PLAC1: variants seen among roughly 807,000 people sequenced by gnomAD.
PLAC1 encodes placenta associated 1, also known as placenta-specific protein 1.
For synonymous variants in PLAC1, 68 were observed against 62.1 expected, an observed-to-expected ratio of 1.09 and a Z score of -0.44; for missense variants, 136 against 163.2, an observed-to-expected ratio of 0.83 and a Z score of 0.91.
intron 2 of PLAC1, among the ~76,000 whole-genome samples, chrX:134,591,497 A>T (rs2078039066): frequency 8.9e-6 from 1 of 112,481 alleles, no homozygotes; most frequent in Admixed American, 9.4e-5. Flanking sequence ...CATCCAAGTT[A>T]TTGTCCATTC....
chrX:134,567,602 CA>C (rs755032160), intron 2 of PLAC1, among the ~76,000 whole-genome samples: 54 of 109,265 alleles, frequency 4.9e-4, no homozygotes, highest in African/African-American at 1.8e-3. Flanking sequence ...TAAAACAATA[CA>C]AAAAACTAGC....
chrX:134,575,033 G>A (rs1049283879), intron 2 of PLAC1, among the ~76,000 whole-genome samples: 7 of 111,399 alleles, frequency 6.3e-5, no homozygotes, highest in East Asian at 2.8e-4. Context: ...AAATGCTAGA[G>A]GTTCTTGGGA....
At chrX:134,745,964 A>G (rs1041791641) in intron 1 of PLAC1, among the ~76,000 whole-genome samples, 23 of 111,684 alleles carry the variant, frequency 2.1e-4, no homozygotes, top group Non-Finnish European at 2.8e-4. Flanking sequence ...GTTAGAAAAC[A>G]CCAGCGTTAG....
chrX:134,677,745 C>CG (rs1351611991), intron 2 of PLAC1, among the ~76,000 whole-genome samples: 2 of 111,229 alleles, frequency 1.8e-5, no homozygotes, highest in African/African-American at 3.3e-5. Context: ...GTTTTAAGCC[C>CG]GGGGGGTGAC....
intron 2 of PLAC1, among the ~76,000 whole-genome samples, chrX:134,572,563 A>C (rs1211098405): frequency 8.9e-6 from 1 of 111,876 alleles, no homozygotes; most frequent in Non-Finnish European, 1.9e-5. Flanking sequence ...CCATTTTCTC[A>C]GCAGAGAAAA....
At chrX:134,668,694 C>A (rs1016092491) in intron 2 of PLAC1, among the ~76,000 whole-genome samples, 2 of 112,950 alleles carry the variant, frequency 1.8e-5, no homozygotes, top group African/African-American at 6.4e-5. Context: ...GAATTCCACA[C>A]AGGTGAAGCT....
Position 134,566,399 on chromosome X carries a change from C to T in PLAC1, c.284G>A (p.Ser95Asn), listed in dbSNP as rs2077875180. The change falls in exon 3 of 3, where the codon AGC becomes AAC. Residue 95 changes from serine (S) to asparagine (N), a missense_variant. Ser to Asn is a conservative substitution (Grantham distance 46). Coordinates refer to ENST00000359237, the MANE Select transcript of PLAC1 (RefSeq NM_021796.4). ...KAVSQDMVIY[S>N]TEIHYSSKGT... Reference sequence around the variant, plus strand: ...CTTAGAAGAGTAGTGTATCTCAGTGCTGTAGATAACCATGTCCTGAGAGAC... The same window carrying T: ...CTTAGAAGAGTAGTGTATCTCAGTGTTGTAGATAACCATGTCCTGAGAGAC... 1 of 1,209,625 alleles carries T rather than the reference C, an allele frequency of 8.3e-7. No homozygotes were observed. Among genetic ancestry groups the T allele is most frequent in the Non-Finnish European group, 1.1e-6 (1 of 894,754 alleles).
intron 2 of PLAC1, among the ~76,000 whole-genome samples, chrX:134,598,645 C>T (rs1346408262): frequency 9.7e-6 from 1 of 102,734 alleles, no homozygotes; most frequent in Non-Finnish European, 2.0e-5. Flanking sequence ...CTGAAGTGGT[C>T]GAGAAGGGTT....
At chrX:134,673,833 A>C (rs2078464265) in intron 2 of PLAC1, among the ~76,000 whole-genome samples, 1 of 112,749 alleles carries the variant, frequency 8.9e-6, no homozygotes, top group South Asian at 3.7e-4. Context: ...TGACCTAGGT[A>C]CTGCCAGCCA....
At chrX:134,707,716 T>C (rs1239496184) in intron 2 of PLAC1, among the ~76,000 whole-genome samples, 3 of 112,363 alleles carry the variant, frequency 2.7e-5, no homozygotes, top group African/African-American at 9.7e-5. Flanking sequence ...ACAAAAAATA[T>C]GGATAAATAC....
At chrX:134,732,280 T>C (rs2078691071) in intron 2 of PLAC1, among the ~76,000 whole-genome samples, 1 of 111,537 alleles carries the variant, frequency 9.0e-6, no homozygotes, top group African/African-American at 3.3e-5. Context: ...AGCTAATGGG[T>C]GCAGAGGAGG....
chrX:134,577,366 G>C (rs1199359525), intron 2 of PLAC1, among the ~76,000 whole-genome samples: 1 of 111,833 alleles, frequency 8.9e-6, no homozygotes, highest in Admixed American at 9.5e-5. Flanking sequence ...ACTGGAGAGG[G>C]AGATCCTGTC....
chrX:134,635,062 G>A (rs1721903787), intron 1 of PLAC1, among the ~76,000 whole-genome samples: 2 of 111,920 alleles, frequency 1.8e-5, no homozygotes, highest in Admixed American at 1.9e-4. Context: ...TCTAGGGTTG[G>A]TGGCTTGGAG....
chrX:134,726,376 A>G (rs1348218208), intron 2 of PLAC1, among the ~76,000 whole-genome samples: 2 of 111,369 alleles, frequency 1.8e-5, no homozygotes, highest in African/African-American at 6.5e-5. Flanking sequence ...TTCTGCTCTC[A>G]CACTACTGTA....
intron 2 of PLAC1, among the ~76,000 whole-genome samples, chrX:134,686,936 G>T (rs1205703928): frequency 1.8e-5 from 2 of 111,709 alleles, no homozygotes; most frequent in Non-Finnish European, 3.8e-5. Flanking sequence ...AAGAAGAGAT[G>T]ATAGTCTACT....
chrX:134,732,492 G>T (rs1182772723), intron 2 of PLAC1, among the ~76,000 whole-genome samples: 2 of 111,522 alleles, frequency 1.8e-5, no homozygotes, highest in African/African-American at 3.3e-5. Flanking sequence ...CCAACAGTTT[G>T]TTCCCTGGGT....
chrX:134,583,555 T>A (rs750070814), intron 2 of PLAC1, among the ~76,000 whole-genome samples: 10 of 110,315 alleles, frequency 9.1e-5, no homozygotes, highest in Non-Finnish European at 1.9e-4. Context: ...TGGCCTCAGT[T>A]TCCTCATATA....
intron 1 of PLAC1, among the ~76,000 whole-genome samples, chrX:134,630,945 A>G (rs1475473682): frequency 1.8e-5 from 2 of 111,650 alleles, no homozygotes; most frequent in Middle Eastern, 4.2e-3. Flanking sequence ...TACTCAAAGA[A>G]TACTGGCTTG....
chrX:134,715,956 G>A (rs1047179682), intron 2 of PLAC1, among the ~76,000 whole-genome samples: 1 of 112,793 alleles, frequency 8.9e-6, no homozygotes, highest in Admixed American at 9.3e-5. Flanking sequence ...AGATGGCTGA[G>A]TGCACAGCTC....
Sources: allele counts gnomAD v4.1 joint callset (sites outside exome capture counted in the v4.1 genomes callset), GRCh38; gene constraint gnomAD v4.1.1; transcripts MANE v1.5; gene names NCBI Gene and HGNC (gene_info 2026-07-23, HGNC 2026-07-21).